Variants in PLCL2 observed in about 807,000 individuals in gnomAD.
PLCL2 encodes the protein inactive phospholipase C-like protein 2.
Under a neutral mutation model 79.6 loss-of-function variants are expected in PLCL2, and 4 were observed. That is an observed-to-expected ratio of 0.05 (90% CI 0.02 to 0.11). The LOEUF (loss-of-function observed/expected upper bound fraction) is 0.11, where lower values mean the gene tolerates loss of function less well. PLCL2 is among the 10% of genes least tolerant of loss of function. The probability of loss-of-function intolerance (pLI) is 1.00; values close to 1 mark genes in which losing one functional copy is unlikely to be tolerated. For synonymous variants in PLCL2, 484 were observed against 457.7 expected (o/e 1.06, Z -0.73); for missense variants, 895 against 1,291.0 (o/e 0.69, Z 4.70).
intron 1 of PLCL2, among the ~76,000 whole-genome samples, chr3:16,899,288 A>G (rs1052474538): frequency 6.6e-6 from 1 of 152,228 alleles, no homozygotes; most frequent in Non-Finnish European, 1.5e-5. Flanking sequence ...CTACCTTCAC[A>G]AGAGGGCTGC....
chr3:16,903,695 A>G (rs1235671163), intron 1 of PLCL2, among the ~76,000 whole-genome samples: 1 of 152,178 alleles, frequency 6.6e-6, no homozygotes, highest in Non-Finnish European at 1.5e-5. Context: ...GTCATGTGTT[A>G]TATGGTCAAG....
chr3:16,960,084 G>A (rs962549260), intron 1 of PLCL2, among the ~76,000 whole-genome samples: 8 of 151,984 alleles, frequency 5.3e-5, no homozygotes, highest in East Asian at 1.9e-4. Flanking sequence ...CAGCGTGGGC[G>A]ACAGAGGAAG....
At chr3:17,030,774 C>A (rs1171460319) in intron 3 of PLCL2, among the ~76,000 whole-genome samples, 1 of 152,180 alleles carries the variant, frequency 6.6e-6, no homozygotes, top group Non-Finnish European at 1.5e-5. Flanking sequence ...TCTTCAATTG[C>A]TTTCCTCTTT....
At chr3:16,941,778 G>A (rs138049176) in intron 1 of PLCL2, among the ~76,000 whole-genome samples, 75 of 151,354 alleles carry the variant, frequency 5.0e-4, no homozygotes, top group Middle Eastern at 3.4e-3. Flanking sequence ...AAATAAAACC[G>A]AACAGAATAG....
At chr3:16,993,675 A>G (rs985172745) in intron 1 of PLCL2, among the ~76,000 whole-genome samples, 7 of 152,200 alleles carry the variant, frequency 4.6e-5, no homozygotes, top group Non-Finnish European at 8.8e-5. Context: ...AATACAGTAT[A>G]ATTAGATGTG....
chr3:17,029,347 AAAAG>A (rs1161653689), intron 3 of PLCL2, among the ~76,000 whole-genome samples: 7 of 151,846 alleles, frequency 4.6e-5, no homozygotes, highest in East Asian at 3.9e-4. Flanking sequence ...GCCCTTAAAA[AAAAG>A]AAAGAAAGAA....
chr3:16,953,665 T>C (rs890961465), intron 1 of PLCL2, among the ~76,000 whole-genome samples: 3 of 152,168 alleles, frequency 2.0e-5, no homozygotes, highest in African/African-American at 7.2e-5. Flanking sequence ...ATTCATTGTG[T>C]ACAAGCTGGA....
At chr3:16,958,601 T>A (rs1158318121) in intron 1 of PLCL2, among the ~76,000 whole-genome samples, 1 of 152,174 alleles carries the variant, frequency 6.6e-6, no homozygotes, top group African/African-American at 2.4e-5. Flanking sequence ...AGAAAAAAAC[T>A]AATGGACCAA....
At chr3:17,013,204 G>T (rs1211437465) in intron 2 of PLCL2, among the ~76,000 whole-genome samples, 1 of 152,186 alleles carries the variant, frequency 6.6e-6, no homozygotes, top group African/African-American at 2.4e-5. Flanking sequence ...TGGCTGCTGT[G>T]GTGTGTGTGA....
At chr3:16,921,242 C>G (rs2124934825) in intron 1 of PLCL2, among the ~76,000 whole-genome samples, 1 of 152,206 alleles carries the variant, frequency 6.6e-6, no homozygotes, top group East Asian at 1.9e-4. Context: ...AATAAGGTTG[C>G]CTTTGAAAAG....
chr3:16,991,869 A>G (rs2064108506), intron 1 of PLCL2, among the ~76,000 whole-genome samples: 1 of 152,228 alleles, frequency 6.6e-6, no homozygotes, highest in African/African-American at 2.4e-5. Context: ...TGTTGCCATT[A>G]TAATTTTCAG....
In PLCL2 at chr3:17,027,227, AGAG is replaced by A. The variant is rs1174286449; in HGVS notation, c.3018+12323_3018+12325del. ...CAAGTGATGCATCATGTAACATTTTAGAGGAGGAGCTGAGAAACACATGTTTCT... is the reference window on the plus strand; with the variant it reads ...CAAGTGATGCATCATGTAACATTTTAGAGGAGCTGAGAAACACATGTTTCT... On this transcript the variant is annotated intron_variant, in intron 3 of 5. Transcript: ENST00000615277. 2.6e-4 allele frequency among the ~76,000 whole-genome samples: 40 copies of A among 152,356 alleles called. No individual in the cohort carries two copies. In the East Asian group the frequency reaches 6.6e-3, roughly 25 times the overall value.
At chr3:17,076,783 C>T (rs2065112392) in intron 5 of PLCL2, among the ~76,000 whole-genome samples, 1 of 152,162 alleles carries the variant, frequency 6.6e-6, no homozygotes. Flanking sequence ...AATTACCGCA[C>T]TCAGCCGTTT....
intron 1 of PLCL2, among the ~76,000 whole-genome samples, chr3:16,966,815 T>A (rs1333535012): frequency 6.6e-6 from 1 of 152,062 alleles, no homozygotes; most frequent in African/African-American, 2.4e-5. Flanking sequence ...TTTTTTTTAC[T>A]TTTATTTTAA....
At chr3:16,970,050 A>ATG (rs1409977206) in intron 1 of PLCL2, among the ~76,000 whole-genome samples, 1 of 138,394 alleles carries the variant, frequency 7.2e-6, no homozygotes, top group Non-Finnish European at 1.5e-5. Flanking sequence ...ATATATATAT[A>ATG]TATATATATT....
At chr3:16,964,144 G>A (rs1050035121) in intron 1 of PLCL2, among the ~76,000 whole-genome samples, 1 of 151,676 alleles carries the variant, frequency 6.6e-6, no homozygotes, top group African/African-American at 2.4e-5. Flanking sequence ...TTTACATTAG[G>A]TATATCTCCT....
chr3:16,937,566 C>T (rs1262702471), intron 1 of PLCL2, among the ~76,000 whole-genome samples: 3 of 152,176 alleles, frequency 2.0e-5, no homozygotes, highest in East Asian at 1.9e-4. Context: ...TTGTGCTGGC[C>T]GCATAAGATT....
intron 3 of PLCL2, among the ~76,000 whole-genome samples, chr3:17,024,848 G>A (rs1027896009): frequency 3.3e-5 from 5 of 152,158 alleles, no homozygotes; most frequent in South Asian, 2.1e-4. Context: ...TTCAATCTGT[G>A]CTGTGGGCAC....
At chr3:16,942,865 T>A (rs961230170) in intron 1 of PLCL2, among the ~76,000 whole-genome samples, 1 of 152,204 alleles carries the variant, frequency 6.6e-6, no homozygotes, top group Non-Finnish European at 1.5e-5. Context: ...CAAGTTTTAG[T>A]GTCATAGACC....
Sources: gnomAD v4.1 joint callset for allele counts (sites outside exome capture counted in the v4.1 genomes callset) on GRCh38, gnomAD v4.1.1 for gene constraint, MANE v1.5 for transcripts, NCBI Gene and HGNC (gene_info 2026-07-23, HGNC 2026-07-21) for gene names.